The following MTA3 variants were observed in gnomAD, a reference collection of about 807,000 sequenced individuals.
MTA3 encodes the protein metastasis-associated protein MTA3.
MTA3 carries 34 observed loss-of-function variants against 83.5 expected under a neutral mutation model. That is an observed-to-expected ratio of 0.41 (90% CI 0.31 to 0.54). The LOEUF (loss-of-function observed/expected upper bound fraction) is 0.54. MTA3 is among the 20% of genes least tolerant of loss of function. The pLI is 0.33. For synonymous variants in MTA3, 303 were observed against 252.7 expected (o/e 1.20, Z -1.89); for missense variants, 761 against 726.4 (o/e 1.05, Z -0.55).
intron 9 of MTA3, among the ~76,000 whole-genome samples, chr2:42,683,019 C>T (rs148952209): frequency 6.2e-4 from 95 of 152,120 alleles, no homozygotes; most frequent in African/African-American, 2.2e-3. Context: ...TTCAGTGAGC[C>T]GAGATGGCAC....
intron 2 of MTA3, among the ~76,000 whole-genome samples, chr2:42,552,957 TA>T (rs765193351): frequency 0.069 from 8,471 of 123,646 alleles, 687 homozygotes; most frequent in African/African-American, 0.21. Flanking sequence ...CTCAAAAAAT[TA>T]AAAAAAAAAA....
chr2:42,741,258 G>C (rs562223807), intron 16 of MTA3, among the ~76,000 whole-genome samples: 191 of 152,302 alleles, frequency 1.3e-3, no homozygotes, highest in Non-Finnish European at 1.5e-3. Context: ...TTGGGTTAAG[G>C]GAATGTTGTT....
rs1446042976 is a variant in MTA3, at chr2:42,604,169, G to A, written c.191-5289G>A. On this transcript the variant is annotated intron_variant, in intron 3 of 16. Coordinates refer to ENST00000405094, the MANE Select transcript of MTA3 (RefSeq NM_001330442.2). ...CGATTCTCCTGCCTGAGTCTCCAGA[G>A]TAGCTGGGATTACAGGCTCCCGCCA... Among the ~76,000 whole-genome samples the A allele has an allele frequency of 3.3e-5, 5 of 151,932 alleles. No individual in the cohort carries two copies. In the East Asian group the frequency reaches 9.6e-4, roughly 29 times the overall value.
chr2:42,496,572 G>T (rs1301815640), intron 2 of MTA3, among the ~76,000 whole-genome samples: 1 of 130,994 alleles, frequency 7.6e-6, no homozygotes, highest in Admixed American at 8.2e-5. Context: ...TTTAGAGTTT[G>T]AAAGAACCTA....
chr2:42,590,144 G>C (rs1365421763), intron 3 of MTA3, among the ~76,000 whole-genome samples: 1 of 152,094 alleles, frequency 6.6e-6, no homozygotes, highest in Non-Finnish European at 1.5e-5. Context: ...TGGAGACTTT[G>C]GGTACACTAT....
intron 2 of MTA3, among the ~76,000 whole-genome samples, chr2:42,542,663 C>T (rs896659275): frequency 6.6e-6 from 1 of 151,928 alleles, no homozygotes; most frequent in African/African-American, 2.4e-5. Context: ...GCAATCCTCC[C>T]ACCTCAGCCT....
rs150645950 is a variant in MTA3, at chr2:42,664,781, G to A, written c.702+4919G>A. Among the ~76,000 whole-genome samples the A allele has an allele frequency of 4.9e-3, 741 of 152,202 alleles. 5 individuals carry two copies. The highest frequency in any genetic ancestry group is 0.017 in the African/African-American group (717 of 41,532). ...GCTGAAACCTGATAGCCCTTCCTAA[G>A]TGATTTTCTTTGTGACTTTTATTCT... On this transcript the variant is annotated intron_variant, in intron 8 of 16. Coordinates refer to ENST00000405094, the MANE Select transcript of MTA3 (RefSeq NM_001330442.2).
chr2:42,677,326 G>A (rs944140182), intron 8 of MTA3, among the ~76,000 whole-genome samples: 1 of 151,914 alleles, frequency 6.6e-6, no homozygotes, highest in Non-Finnish European at 1.5e-5. Context: ...AGTCTCATGA[G>A]ATCTGATTTA....
chr2:42,522,263 C>T (rs1434897760), intron 2 of MTA3, among the ~76,000 whole-genome samples: 2 of 152,140 alleles, frequency 1.3e-5, no homozygotes, highest in Non-Finnish European at 2.9e-5. Flanking sequence ...TCAGGGGTTA[C>T]TTGCTGTAGA....
chr2:42,682,394 T>G lies in MTA3; in HGVS notation c.703-7T>G, dbSNP rs1351983438. ...GTTGATATTTTCTGTTCATTTTGTTTCTTTAGTTTCACGCTATGGATACAT... is the reference window on the plus strand; with the variant it reads ...GTTGATATTTTCTGTTCATTTTGTTGCTTTAGTTTCACGCTATGGATACAT... On this transcript the variant is annotated splice_region_variant and splice_polypyrimidine_tract_variant and intron_variant, in intron 8 of 16. Transcript: ENST00000405094. The G allele has an allele frequency of 6.4e-7, 1 of 1,557,588 alleles. No individual in the cohort carries two copies. The highest frequency in any genetic ancestry group is 1.4e-5 in the African/African-American group (1 of 73,906).
rs1206620337 is a variant in MTA3 at position 42,754,103 on chromosome 2, G to A, written c.*704G>A. On this transcript the variant is annotated 3_prime_UTR_variant, in exon 17 of 17. Transcript: ENST00000405094. Reference sequence around the variant, plus strand: ...GTGTTTTGTGGTTGGAGAGAAACTGGTGTTCTGCCCGGCTCTGCTTGGTCA... The same window carrying A: ...GTGTTTTGTGGTTGGAGAGAAACTGATGTTCTGCCCGGCTCTGCTTGGTCA... 6.1e-6 allele frequency: 6 copies of A among 985,326 alleles called. No individual in the cohort carries two copies. The highest frequency in any genetic ancestry group is 7.2e-6 in the Non-Finnish European group (6 of 829,982). The allele number at this position is 985,326 out of a possible 1,614,324, so 61.0% of individuals were successfully genotyped here.
At chr2:42,590,947 C>A (rs1680919308) in intron 3 of MTA3, among the ~76,000 whole-genome samples, 1 of 152,070 alleles carries the variant, frequency 6.6e-6, no homozygotes, top group Non-Finnish European at 1.5e-5. Flanking sequence ...TGTAATTTGA[C>A]CACTGTGTAC....
At chr2:42,681,942 A>G (rs1691965540) in intron 8 of MTA3, among the ~76,000 whole-genome samples, 1 of 152,028 alleles carries the variant, frequency 6.6e-6, no homozygotes, top group Non-Finnish European at 1.5e-5. Context: ...ATAAAAATAA[A>G]GGAGACCTAA....
intron 8 of MTA3, among the ~76,000 whole-genome samples, chr2:42,660,893 C>T (rs1689632100): frequency 6.6e-6 from 1 of 152,198 alleles, no homozygotes; most frequent in Non-Finnish European, 1.5e-5. Context: ...ATTGCCCAGG[C>T]TGGTCTTGAA....
At chr2:42,746,056 C>G (rs1266956551) in intron 16 of MTA3, among the ~76,000 whole-genome samples, 1 of 152,040 alleles carries the variant, frequency 6.6e-6, no homozygotes, top group East Asian at 1.9e-4. Flanking sequence ...TTGTGATCCA[C>G]CCGCCTTGGC....
chr2:42,581,224 C>G (rs1679586246), intron 3 of MTA3, among the ~76,000 whole-genome samples: 1 of 152,086 alleles, frequency 6.6e-6, no homozygotes, highest in African/African-American at 2.4e-5. Context: ...CATATCAAGG[C>G]TTCACATTTG....
At chr2:42,568,597 A>C (rs1350105082), upstream of MTA3, 835 of 82,560 alleles carry the variant, frequency 0.01, no homozygotes, top group South Asian at 0.012. Flanking sequence ...TACTTCCCCC[A>C]CCCCCTGTCC....
intron 12 of MTA3, among the ~76,000 whole-genome samples, chr2:42,705,140 C>G (rs535084026): frequency 6.6e-6 from 1 of 152,132 alleles, no homozygotes; most frequent in Non-Finnish European, 1.5e-5. Context: ...GCTGTGAGTA[C>G]GATTACGTCG....
chr2:42,643,485 T>A lies in MTA3; in HGVS notation c.382-642T>A, dbSNP rs77284110. 7.1e-4 allele frequency among the ~76,000 whole-genome samples: 108 copies of A among 152,314 alleles called. 1 individual carries two copies. In the East Asian group the frequency reaches 0.012, roughly 17 times the overall value. On this transcript the variant is annotated intron_variant, in intron 5 of 16. Transcript: ENST00000405094. ...AGGGAGGACTGGAAATTTTGGTGTG[T>A]ATGCTGTTGGTGAGCATGTATATAG...
Sources: allele counts gnomAD v4.1 joint callset (sites outside exome capture counted in the v4.1 genomes callset), GRCh38; gene constraint gnomAD v4.1.1; transcripts MANE v1.5; gene names NCBI Gene and HGNC (gene_info 2026-07-23, HGNC 2026-07-21).